The following MOB3B variants were observed in gnomAD, a reference collection of about 807,000 sequenced individuals.
MOB3B encodes MOB kinase activator 3B.
Under a neutral mutation model 18.7 loss-of-function variants are expected in MOB3B, and 7 were observed. The observed-to-expected ratio is 0.37, with a 90% CI of 0.21 to 0.70. MOB3B has a LOEUF of 0.70. MOB3B is among the 30% of genes least tolerant of loss of function. MOB3B has a pLI of 0.52. For missense variants in MOB3B, 253 were observed against 281.3 expected (o/e 0.90, Z 0.72); for synonymous variants, 111 against 99.9 (o/e 1.11, Z -0.66).
chr9:27,373,837 A>G (rs1167401610), intron 2 of MOB3B, among the ~76,000 whole-genome samples: 4 of 152,340 alleles, frequency 2.6e-5, no homozygotes, highest in Middle Eastern at 3.4e-3. Flanking sequence ...ATACTGTTAA[A>G]TTGAATTTGG....
At chr9:27,506,295 A>G (rs17696429) in intron 1 of MOB3B, among the ~76,000 whole-genome samples, 4,805 of 152,270 alleles carry the variant, frequency 0.032, 103 homozygotes, top group Middle Eastern at 0.065. Flanking sequence ...CATGTTTAAC[A>G]TATTTTACAA....
At chr9:27,334,709 A>G (rs1820837214) in intron 3 of MOB3B, among the ~76,000 whole-genome samples, 1 of 152,260 alleles carries the variant, frequency 6.6e-6, no homozygotes, top group African/African-American at 2.4e-5. Flanking sequence ...GAGAAGTAAA[A>G]TGACTTATTC....
chr9:27,393,422 G>A (rs959355083), intron 2 of MOB3B, among the ~76,000 whole-genome samples: 8 of 151,816 alleles, frequency 5.3e-5, no homozygotes, highest in Admixed American at 5.3e-4. Flanking sequence ...AGAGAGAGGA[G>A]GAAGTGGAGG....
At chr9:27,366,699 C>T (rs1181696118) in intron 2 of MOB3B, among the ~76,000 whole-genome samples, 2 of 152,164 alleles carry the variant, frequency 1.3e-5, no homozygotes, top group African/African-American at 4.8e-5. Flanking sequence ...GGGAATGAGA[C>T]TCTGATCTGT....
At position 27,379,488 on chromosome 9, in the gene MOB3B, C is replaced by G. The variant is rs182453002; in HGVS notation, c.419-20252G>C. On this transcript the variant is annotated intron_variant, in intron 2 of 3. Coordinates refer to ENST00000262244, the MANE Select transcript of MOB3B (RefSeq NM_024761.5). ...TCACCACAACCACAGGAGGCAGGTA[C>G]TACCATCATCCCCTGTTCACAGATG... Among the ~76,000 whole-genome samples the G allele has an allele frequency of 1.2e-3, 190 of 152,280 alleles. 3 individuals carry two copies. Among genetic ancestry groups the G allele is most frequent in the Admixed American group, 0.012 (177 of 15,302 alleles).
chr9:27,513,461 T>G (rs1820176726), intron 1 of MOB3B, among the ~76,000 whole-genome samples: 1 of 152,206 alleles, frequency 6.6e-6, no homozygotes, highest in East Asian at 1.9e-4. Context: ...TTCATACGTT[T>G]TAACTGGTCT....
At chr9:27,487,769 T>C (rs1038212526) in intron 1 of MOB3B, among the ~76,000 whole-genome samples, 2 of 152,202 alleles carry the variant, frequency 1.3e-5, no homozygotes, top group African/African-American at 2.4e-5. Context: ...TTCCATAGAT[T>C]CTTCATGTAC....
chr9:27,449,761 A>G (rs1293925470), intron 2 of MOB3B, among the ~76,000 whole-genome samples: 3 of 152,174 alleles, frequency 2.0e-5, no homozygotes, highest in Non-Finnish European at 4.4e-5. Flanking sequence ...AGATCACCTG[A>G]GATCAGGAGT....
intron 2 of MOB3B, among the ~76,000 whole-genome samples, chr9:27,408,386 T>C (rs1663410956): frequency 6.6e-6 from 1 of 152,078 alleles, no homozygotes; most frequent in Non-Finnish European, 1.5e-5. Flanking sequence ...CCTGTCTGAG[T>C]TCCCATGAAT....
At chr9:27,400,443 G>A (rs1226561702) in intron 2 of MOB3B, among the ~76,000 whole-genome samples, 1 of 152,114 alleles carries the variant, frequency 6.6e-6, no homozygotes, top group Non-Finnish European at 1.5e-5. Context: ...TGGAGGGCCT[G>A]CCTCCCTCCT....
At chr9:27,423,680 C>T (rs1460613027) in intron 2 of MOB3B, among the ~76,000 whole-genome samples, 1 of 152,172 alleles carries the variant, frequency 6.6e-6, no homozygotes, top group Non-Finnish European at 1.5e-5. Flanking sequence ...GTCTTCACTA[C>T]AAGAGTAGAA....
chr9:27,483,899 G>A (rs867344084), intron 1 of MOB3B, among the ~76,000 whole-genome samples: 25 of 152,182 alleles, frequency 1.6e-4, no homozygotes, highest in Admixed American at 6.5e-4. Context: ...CTTCATGAAT[G>A]AAATCTTCAA....
intron 2 of MOB3B, among the ~76,000 whole-genome samples, chr9:27,441,954 T>C (rs752219821): frequency 6.6e-6 from 1 of 151,932 alleles, no homozygotes; most frequent in Non-Finnish European, 1.5e-5. Flanking sequence ...TAAACCACAA[T>C]AGACTGAAAA....
intron 3 of MOB3B, among the ~76,000 whole-genome samples, chr9:27,344,368 A>G (rs2131342417): frequency 6.6e-6 from 1 of 152,354 alleles, no homozygotes; most frequent in African/African-American, 2.4e-5. Context: ...AATGAGAATT[A>G]TTCCATTTAG....
intron 1 of MOB3B, among the ~76,000 whole-genome samples, chr9:27,495,973 T>G (rs1819892069): frequency 6.6e-6 from 1 of 152,188 alleles, no homozygotes; most frequent in East Asian, 1.9e-4. Context: ...ACAACATCAT[T>G]TACAAAACAA....
At chr9:27,379,559 C>G (rs1821543501) in intron 2 of MOB3B, among the ~76,000 whole-genome samples, 1 of 152,116 alleles carries the variant, frequency 6.6e-6, no homozygotes, top group South Asian at 2.1e-4. Flanking sequence ...AGGTCACACC[C>G]CAAAGTGTTG....
At chr9:27,440,551 G>T (rs1326830589) in intron 2 of MOB3B, among the ~76,000 whole-genome samples, 1 of 152,154 alleles carries the variant, frequency 6.6e-6, no homozygotes, top group African/African-American at 2.4e-5. Context: ...CATAAAATTT[G>T]CAAGGTGAAT....
intron 2 of MOB3B, among the ~76,000 whole-genome samples, chr9:27,426,262 T>C (rs538549005): frequency 1.6e-3 from 241 of 152,320 alleles, no homozygotes; most frequent in African/African-American, 5.5e-3. Flanking sequence ...GTCATGTACA[T>C]TGAGTGTTAC....
intron 3 of MOB3B, among the ~76,000 whole-genome samples, chr9:27,344,762 C>G: frequency 1.3e-5 from 2 of 152,344 alleles, no homozygotes; most frequent in South Asian, 4.1e-4. Context: ...TTTGCCAATG[C>G]TCTCCAAAGG....
Sources: gnomAD v4.1 joint callset for allele counts (sites outside exome capture counted in the v4.1 genomes callset) on GRCh38, gnomAD v4.1.1 for gene constraint, MANE v1.5 for transcripts, NCBI Gene and HGNC (gene_info 2026-07-23, HGNC 2026-07-21) for gene names.